ATP10A: variants seen among roughly 807,000 people sequenced by gnomAD.
The protein encoded by ATP10A is phospholipid-transporting ATPase VA.
A neutral mutation model predicts 147.8 loss-of-function variants in ATP10A; 111 were observed. That is an observed-to-expected ratio of 0.75 (90% CI 0.64 to 0.88). The LOEUF (loss-of-function observed/expected upper bound fraction) is 0.88, where lower values mean the gene tolerates loss of function less well. Among genes scored for constraint, ATP10A ranks in the 40% least tolerant of loss-of-function variants. The pLI is 0.00. For missense variants in ATP10A, 1,927 were observed against 1,959.0 expected, an observed-to-expected ratio of 0.98 and a Z score of 0.31; for synonymous variants, 875 against 841.6, an observed-to-expected ratio of 1.04 and a Z score of -0.69.
rs201784526 is a variant in ATP10A at position 25,851,270 on chromosome 15, T to C, written c.449+11378A>G. Among the ~76,000 whole-genome samples the C allele has an allele frequency of 9.2e-5, 14 of 152,196 alleles. No individual in the cohort carries two copies. The East Asian group carries it at 2.7e-3, about 29-fold the overall frequency. On this transcript the variant is annotated intron_variant, in intron 1 of 20. Transcript: ENST00000555815. ...GCCTCCAAAGCACCTACTAAGCACC[T>C]TTCTGAGAAGACTTGCATGGAGGGC...
In ATP10A at chr15:25,714,713, A is replaced by C. The variant is rs145603460; in HGVS notation, c.1777-472T>G. On this transcript the variant is annotated intron_variant, in intron 9 of 20. Coordinates refer to ENST00000555815, the MANE Select transcript of ATP10A (RefSeq NM_024490.4). ...CAGTGTCCCCTTGCTTTGCAAAAAA[A>C]CAGCTCAGGGGAGCAGGCTCACCAT... Among the ~76,000 whole-genome samples, 515 of 152,224 alleles carry C rather than the reference A, an allele frequency of 3.4e-3. 2 individuals carry two copies. Among genetic ancestry groups the C allele is most frequent in the Middle Eastern group, 0.017 (5 of 294 alleles).
At chr15:25,714,967 C>T (rs1021139839) in intron 9 of ATP10A, among the ~76,000 whole-genome samples, 12 of 49,976 alleles carry the variant, frequency 2.4e-4, no homozygotes, top group Non-Finnish European at 3.0e-4. Context: ...GACACATATA[C>T]ACACACACAC....
At position 25,694,802 on chromosome 15, in the gene ATP10A, C is replaced by A. The variant is rs752485466; in HGVS notation, c.3088+17G>T. 5 of 1,590,902 alleles carry A rather than the reference C, an allele frequency of 3.1e-6. No individual in the cohort carries two copies. In the Admixed American group the frequency reaches 8.5e-5, roughly 27 times the overall value. ...GTCCAGCTGGGAGGAGGCCGTCTGG[C>A]CAGCTGGGATACTTGCCTATGGCCA... On this transcript the variant is annotated intron_variant, in intron 14 of 20. Transcript: ENST00000555815.
chr15:25,724,687 T>A (rs1451315468), intron 5 of ATP10A, among the ~76,000 whole-genome samples: 1 of 152,242 alleles, frequency 6.6e-6, no homozygotes, highest in Non-Finnish European at 1.5e-5. Context: ...CATCTGTGCT[T>A]CTCCTGCTAT....
At chr15:25,756,524 T>G (rs1285046864) in intron 2 of ATP10A, among the ~76,000 whole-genome samples, 1 of 151,972 alleles carries the variant, frequency 6.6e-6, no homozygotes, top group Non-Finnish European at 1.5e-5. Context: ...GCACCTGTAG[T>G]CCCAGCTACT....
chr15:25,687,421 C>T (rs1027141750), intron 16 of ATP10A, among the ~76,000 whole-genome samples: 1 of 151,892 alleles, frequency 6.6e-6, no homozygotes, highest in Non-Finnish European at 1.5e-5. Flanking sequence ...CATAATTATG[C>T]CCCTTCTCAC....
intron 2 of ATP10A, among the ~76,000 whole-genome samples, chr15:25,759,724 G>A (rs1035590564): frequency 7.3e-5 from 11 of 151,686 alleles, no homozygotes; most frequent in Admixed American, 2.6e-4. Flanking sequence ...GTGGAGAATC[G>A]CTTGAGCCTG....
At chr15:25,731,052 G>C (rs1902951999) in intron 3 of ATP10A, among the ~76,000 whole-genome samples, 1 of 152,218 alleles carries the variant, frequency 6.6e-6, no homozygotes, top group African/African-American at 2.4e-5. Context: ...CAGGGACCCT[G>C]ACAGCTCTGT....
chr15:25,756,801 C>T (rs1649938452), intron 2 of ATP10A, among the ~76,000 whole-genome samples: 1 of 152,136 alleles, frequency 6.6e-6, no homozygotes, highest in African/African-American at 2.4e-5. Context: ...TTAATGAAAA[C>T]AGTTGGGTCT....
At chr15:25,711,816 T>G (rs1166799490) in intron 10 of ATP10A, among the ~76,000 whole-genome samples, 1 of 152,204 alleles carries the variant, frequency 6.6e-6, no homozygotes, top group Non-Finnish European at 1.5e-5. Flanking sequence ...ATGCCAGGTC[T>G]GAGAGGCTCC....
Position 25,733,980 on chromosome 15 carries a change from C to T in ATP10A, c.740+2076G>A, listed in dbSNP as rs539902095. ...CAGATGACACCCACTCAAGAGGCAT[C>T]TTCCCCGGCACCCGGGGGGAGTGCA... On this transcript the variant is annotated intron_variant, in intron 3 of 20. Transcript: ENST00000555815. 4.5e-4 allele frequency among the ~76,000 whole-genome samples: 69 copies of T among 152,334 alleles called. 1 individual carries two copies. Among genetic ancestry groups the T allele is most frequent in the African/African-American group, 1.6e-3 (68 of 41,592 alleles).
intron 2 of ATP10A, among the ~76,000 whole-genome samples, chr15:25,759,974 T>A (rs997513173): frequency 6.6e-6 from 1 of 152,012 alleles, no homozygotes. Context: ...TGTAATTTTT[T>A]TTTTTTTCTT....
At chr15:25,728,947 C>T (rs891533130) in intron 3 of ATP10A, among the ~76,000 whole-genome samples, 1 of 152,168 alleles carries the variant, frequency 6.6e-6, no homozygotes, top group Non-Finnish European at 1.5e-5. Flanking sequence ...GTGCCTGGTA[C>T]CTGGGCTAGA....
intron 1 of ATP10A, among the ~76,000 whole-genome samples, chr15:25,850,650 C>G (rs959088296): frequency 2.7e-5 from 4 of 149,340 alleles, no homozygotes; most frequent in African/African-American, 5.0e-5. Context: ...CCTCCCCCCC[C>G]AGCCCCGGTG....
intron 13 of ATP10A, 120 bp from the exon 14 acceptor site, chr15:25,695,266 G>A: frequency 1.2e-6 from 1 of 868,044 alleles, no homozygotes; most frequent in Non-Finnish European, 1.7e-6. Flanking sequence ...GTACCCGCCT[G>A]CCCAGAGGCC....
In ATP10A at chr15:25,694,904, G is replaced by A. The variant is rs753984899; in HGVS notation, c.3003C>T (p.Val1001=). ...GCAGAGGCGTCGACCGACAGCAGAGGACGGAGCGGCACTGCTTGGCAAGGA... is the reference window on the plus strand; with the variant it reads ...GCAGAGGCGTCGACCGACAGCAGAGAACGGAGCGGCACTGCTTGGCAAGGA... ...FLFLAKQCRS[V]LCCRSTPLQK... Residue 1001 remains valine, a synonymous_variant, in exon 14 of 21, where the codon GTC becomes GTT. Transcript: ENST00000555815. 1.9e-6 allele frequency: 3 copies of A among 1,614,198 alleles called. No individual in the cohort carries two copies. The Admixed American group carries it at 5.0e-5, about 27-fold the overall frequency.
chr15:25,823,907 T>C (rs1487813340), intron 1 of ATP10A, among the ~76,000 whole-genome samples: 1 of 152,010 alleles, frequency 6.6e-6, no homozygotes, highest in African/African-American at 2.4e-5. Flanking sequence ...AGAGTAAACA[T>C]ATTAGGCTCT....
chr15:25,777,774 C>CTTT (rs1427683713), intron 2 of ATP10A, among the ~76,000 whole-genome samples: 1 of 66,592 alleles, frequency 1.5e-5, no homozygotes, highest in Non-Finnish European at 3.1e-5. Context: ...AATTTTTTTT[C>CTTT]TTTCTTTCTT....
intron 1 of ATP10A, among the ~76,000 whole-genome samples, chr15:25,856,871 G>A (rs1167576961): frequency 2.0e-5 from 3 of 152,036 alleles, no homozygotes; most frequent in Admixed American, 1.3e-4. Flanking sequence ...AAAAAAACAT[G>A]TTACCTGAAA....
Sources: gnomAD v4.1 joint callset for allele counts (sites outside exome capture counted in the v4.1 genomes callset) on GRCh38, gnomAD v4.1.1 for gene constraint, MANE v1.5 for transcripts, NCBI Gene and HGNC (gene_info 2026-07-23, HGNC 2026-07-21) for gene names.